GPC5: variants seen among roughly 807,000 people sequenced by gnomAD.
GPC5 encodes the protein glypican 5, also known as glypican-5.
In GPC5, 47 loss-of-function variants were observed where a neutral mutation model predicts 53.9. The observed-to-expected ratio is 0.87, with a 90% confidence interval of 0.69 to 1.11. The LOEUF is 1.11. Ranked by LOEUF, GPC5 falls within the 50% of genes most tolerant of loss-of-function variation. The probability of loss-of-function intolerance (pLI) is 0.00; values close to 1 mark genes in which losing one functional copy is unlikely to be tolerated. For synonymous variants in GPC5, 286 were observed against 263.3 expected (o/e 1.09, Z -0.84); for missense variants, 748 against 713.1 (o/e 1.05, Z -0.56).
intron 2 of GPC5, among the ~76,000 whole-genome samples, chr13:91,572,252 T>TGTATATATACGTGTGTATATAC (rs1566517821): frequency 2.2e-5 from 3 of 133,668 alleles, no homozygotes; most frequent in African/African-American, 1.2e-4. Context: ...TGTATATATA[T>TGTATATATACGTGTGTATATAC]ACACATATGT....
chr13:92,039,301 G>A (rs1243833263), intron 6 of GPC5, among the ~76,000 whole-genome samples: 1 of 152,196 alleles, frequency 6.6e-6, no homozygotes, highest in Non-Finnish European at 1.5e-5. Flanking sequence ...GGATGTTTGT[G>A]TGCCAATGGA....
chr13:91,566,714 T>G (rs1037804701), intron 2 of GPC5, among the ~76,000 whole-genome samples: 17 of 152,120 alleles, frequency 1.1e-4, no homozygotes, highest in Admixed American at 1.0e-3. Flanking sequence ...GACTAATATT[T>G]GAGGTGGCTG....
chr13:92,355,038 A>T (rs2043510798), intron 7 of GPC5, among the ~76,000 whole-genome samples: 1 of 151,540 alleles, frequency 6.6e-6, no homozygotes. Flanking sequence ...AATCTGCATA[A>T]TATGCAGATT....
chr13:91,504,588 G>A (rs909984062), intron 2 of GPC5, among the ~76,000 whole-genome samples: 1 of 152,080 alleles, frequency 6.6e-6, no homozygotes, highest in Admixed American at 6.6e-5. Flanking sequence ...ATGCAGAGTG[G>A]TGGAAAATAA....
At chr13:91,943,003 T>C (rs1482260285) in intron 6 of GPC5, among the ~76,000 whole-genome samples, 1 of 152,104 alleles carries the variant, frequency 6.6e-6, no homozygotes, top group African/African-American at 2.4e-5. Flanking sequence ...AATAGCTCTG[T>C]TTTTTATTTG....
Position 91,753,725 on chromosome 13 carries a change from C to A in GPC5, c.1155-2570C>A, listed in dbSNP as rs2140118390. 1.3e-5 allele frequency among the ~76,000 whole-genome samples: 2 copies of A among 152,274 alleles called. 1 individual carries two copies. The highest frequency in any genetic ancestry group is 6.8e-3 in the Middle Eastern group (2 of 294). ...CATAATTCATTCCCATAAGCACAGT[C>A]CCCTCTAGTGAAACTGCATACTACC... On this transcript the variant is annotated intron_variant, in intron 4 of 7. Transcript: ENST00000377067.
At chr13:92,242,116 C>T (rs938747709) in intron 7 of GPC5, among the ~76,000 whole-genome samples, 7 of 151,734 alleles carry the variant, frequency 4.6e-5, no homozygotes, top group African/African-American at 1.5e-4. Flanking sequence ...ACCTGTAATC[C>T]CAGCTGCTCC....
chr13:92,260,691 C>T (rs1057368594), intron 7 of GPC5, among the ~76,000 whole-genome samples: 1 of 152,140 alleles, frequency 6.6e-6, no homozygotes, highest in African/African-American at 2.4e-5. Flanking sequence ...TTACTAGTAT[C>T]CCCCATGGTT....
chr13:92,857,076 T>C (rs900001650), intron 7 of GPC5, among the ~76,000 whole-genome samples: 3 of 152,040 alleles, frequency 2.0e-5, no homozygotes, highest in Admixed American at 6.5e-5. Flanking sequence ...CTTCAAAGTA[T>C]ACAAGGCTAC....
At chr13:91,939,216 CTT>C (rs1424676369) in intron 6 of GPC5, among the ~76,000 whole-genome samples, 1 of 152,030 alleles carries the variant, frequency 6.6e-6, no homozygotes, top group Non-Finnish European at 1.5e-5. Context: ...TACAGGCTAA[CTT>C]GATATGGGAT....
chr13:91,634,449 T>C (rs527809099), intron 2 of GPC5, among the ~76,000 whole-genome samples: 7 of 152,170 alleles, frequency 4.6e-5, no homozygotes, highest in Non-Finnish European at 1.0e-4. Flanking sequence ...TTTTTTTCTA[T>C]AATCTTGATG....
intron 6 of GPC5, among the ~76,000 whole-genome samples, chr13:92,041,011 C>T (rs759122224): frequency 2.6e-5 from 4 of 152,068 alleles, no homozygotes; most frequent in Admixed American, 1.3e-4. Flanking sequence ...CCACCACACC[C>T]GGATAATTTT....
At chr13:91,468,481 C>A (rs1047621297) in intron 2 of GPC5, among the ~76,000 whole-genome samples, 3 of 152,044 alleles carry the variant, frequency 2.0e-5, no homozygotes, top group African/African-American at 7.2e-5. Context: ...GGAATTTGAA[C>A]GTAGAGAAAT....
chr13:92,415,985 T>C (rs982962038), intron 7 of GPC5, among the ~76,000 whole-genome samples: 2 of 152,290 alleles, frequency 1.3e-5, no homozygotes, highest in East Asian at 1.9e-4. Flanking sequence ...AAAACAAATA[T>C]AGACAGCTTT....
At chr13:92,602,231 A>ATAATATATATATAT (rs1555294283) in intron 7 of GPC5, among the ~76,000 whole-genome samples, 3 of 4,958 alleles carry the variant, frequency 6.1e-4, no homozygotes, top group Non-Finnish European at 4.7e-3. Flanking sequence ...ATATATATAT[A>ATAATATATATATAT]ACATATATAT....
rs147172444 is a variant in GPC5 at position 91,457,939 on chromosome 13, A to G, written c.325+9017A>G. On this transcript the variant is annotated intron_variant, in intron 2 of 7. Transcript: ENST00000377067. The stretch of plus-strand genomic sequence containing the variant: ...GAATGAAACAAAGATCCCTGTCTTG[A>G]TAGTTCCCATTTCAGCCAGGAAAGA... Among the ~76,000 whole-genome samples the G allele has an allele frequency of 1.5e-4, 23 of 152,268 alleles. No homozygotes were observed. The East Asian group carries it at 4.1e-3, about 27-fold the overall frequency.
intron 7 of GPC5, among the ~76,000 whole-genome samples, chr13:92,258,339 C>A (rs2042741840): frequency 6.6e-6 from 1 of 152,146 alleles, no homozygotes; most frequent in African/African-American, 2.4e-5. Context: ...GGCAAAAGAT[C>A]CTATTCTTTT....
intron 6 of GPC5, among the ~76,000 whole-genome samples, chr13:92,139,545 C>T (rs1446890755): frequency 2.6e-5 from 4 of 151,774 alleles, no homozygotes; most frequent in African/African-American, 4.8e-5. Context: ...CATGCGCCTG[C>T]AGTCCCAGCT....
chr13:91,788,290 A>G lies in GPC5; in HGVS notation c.1280+31870A>G, dbSNP rs2037909318. Reference sequence around the variant, plus strand: ...ATGTCTCATTTCTTCCTCTTTTTATAAGGACATTAATCCCATCATAAGGGA... The same window carrying G: ...ATGTCTCATTTCTTCCTCTTTTTATGAGGACATTAATCCCATCATAAGGGA... On this transcript the variant is annotated intron_variant, in intron 5 of 7. Coordinates refer to ENST00000377067, the MANE Select transcript of GPC5 (RefSeq NM_004466.6). 2.0e-5 allele frequency among the ~76,000 whole-genome samples: 3 copies of G among 152,170 alleles called. No individual in the cohort carries two copies. The South Asian group carries it at 6.2e-4, about 31-fold the overall frequency.
Sources: gnomAD v4.1 joint callset for allele counts (sites outside exome capture counted in the v4.1 genomes callset) on GRCh38, gnomAD v4.1.1 for gene constraint, MANE v1.5 for transcripts, NCBI Gene and HGNC (gene_info 2026-07-23, HGNC 2026-07-21) for gene names.